Variants in CMYA5 observed in about 807,000 individuals in gnomAD.
CMYA5 encodes cardiomyopathy-associated protein 5.
CMYA5 carries 246 observed loss-of-function variants against 318.9 expected under a neutral mutation model. The ratio of observed to expected loss-of-function variants is 0.77; its 90% CI spans 0.70 to 0.86. The LOEUF is 0.86. Ranked by LOEUF, CMYA5 falls within the 40% of genes least tolerant of loss-of-function variation. The pLI is 0.00. For missense variants in CMYA5, 4,589 were observed against 4,678.2 expected, an observed-to-expected ratio of 0.98 and a Z score of 0.56; for synonymous variants, 1,641 against 1,729.5, an observed-to-expected ratio of 0.95 and a Z score of 1.27.
intron 1 of CMYA5, among the ~76,000 whole-genome samples, chr5:79,702,655 G>A (rs79036065): frequency 0.021 from 3,213 of 152,136 alleles, 109 homozygotes; most frequent in African/African-American, 0.072. Flanking sequence ...TCTTTTTGGG[G>A]TGATGAAAAT....
chr5:79,756,966 C>T (rs756694785), intron 6 of CMYA5, among the ~76,000 whole-genome samples: 13 of 151,892 alleles, frequency 8.6e-5, no homozygotes, highest in African/African-American at 2.2e-4. Context: ...CCGAGGCGAG[C>T]GGATCACCTG....
At chr5:79,771,350 C>G (rs1021431859) in intron 9 of CMYA5, among the ~76,000 whole-genome samples, 1 of 152,158 alleles carries the variant, frequency 6.6e-6, no homozygotes, top group African/African-American at 2.4e-5. Flanking sequence ...AACCCTGTAT[C>G]AGAAGTGCCA....
At chr5:79,785,526 T>A (rs573550241) in intron 9 of CMYA5, among the ~76,000 whole-genome samples, 37 of 152,282 alleles carry the variant, frequency 2.4e-4, no homozygotes, top group Admixed American at 5.9e-4. Context: ...TATATATTTT[T>A]ATGTCTGTCA....
rs747830513 is a variant in CMYA5, at chr5:79,745,325, TGAA to T, written c.10850_10852del (p.Lys3617del). On this transcript the variant is annotated inframe_deletion, in exon 4 of 13. Transcript: ENST00000446378. ...GAGAAAGCCCAGAGCTTTGAGGAAG[TGAA>T]GAAGAAGAAGATGGAGTTCCTGCAT... 6.4e-5 allele frequency: 103 copies of T among 1,613,466 alleles called. No individual in the cohort carries two copies. Among genetic ancestry groups the T allele is most frequent in the Non-Finnish European group, 5.8e-5 (69 of 1,179,674 alleles).
At chr5:79,764,800 A>G (rs1377920624) in intron 9 of CMYA5, among the ~76,000 whole-genome samples, 14 of 152,148 alleles carry the variant, frequency 9.2e-5, no homozygotes, top group Non-Finnish European at 5.9e-5. Flanking sequence ...TCTTTTGAGA[A>G]GTATCTGTTC....
In CMYA5 at chr5:79,734,149, G is replaced by C; in HGVS notation, c.5384G>C (p.Gly1795Ala). The change falls in exon 2 of 13, where the codon GGC becomes GCC. Residue 1795 changes from glycine (G) to alanine (A), a missense_variant. Gly to Ala is a moderately conservative substitution (Grantham distance 60, BLOSUM62 0). Coordinates refer to ENST00000446378, the MANE Select transcript of CMYA5 (RefSeq NM_153610.5). ...DILDKLSEET[G>A]HPNSSQVLQS... is the part of the protein sequence containing the mutation. ...TTAGATAAGCTAAGTGAAGAAACAG[G>C]CCACCCAAATTCATCCCAGGTACTC... The C allele has an allele frequency of 6.2e-7, 1 of 1,613,728 alleles. No individual in the cohort carries two copies. Among genetic ancestry groups the C allele is most frequent in the Non-Finnish European group, 8.5e-7 (1 of 1,179,800 alleles).
Position 79,736,367 on chromosome 5 carries a change from A to G in CMYA5, c.7602A>G (p.Glu2534=). 6.2e-7 allele frequency: 1 copy of G among 1,613,304 alleles called. No homozygotes were observed. Among genetic ancestry groups the G allele is most frequent in the Non-Finnish European group, 8.5e-7 (1 of 1,179,600 alleles). The change falls in exon 2 of 13, where the codon GAA becomes GAG. Residue 2534 remains glutamate, a synonymous_variant. Transcript: ENST00000446378. ...GACCCAAAATCATTGTTGGTTCTGA[A>G]AAGGAGAAAGGTGAAGAAAAAGAAA... is the stretch of plus-strand genomic sequence containing the variant. ...NERPKIIVGS[E]KEKGEEKENQ...
chr5:79,738,134 C>T lies in CMYA5; in HGVS notation c.9369C>T (p.Asn3123=), dbSNP rs1309409068. 3 of 1,613,674 alleles carry T rather than the reference C, an allele frequency of 1.9e-6. No individual in the cohort carries two copies. Among genetic ancestry groups the T allele is most frequent in the Non-Finnish European group, 2.5e-6 (3 of 1,179,818 alleles). ...TTTATGGACCAGAAAAGGGCCACAA[C>T]ATATTATCTCATCCAGAGACCCAAA... ...ESFYGPEKGH[N]ILSHPETQSQ... is the part of the protein sequence containing the mutation. Residue 3123 remains asparagine, a synonymous_variant, in exon 2 of 13, where the codon AAC becomes AAT. Coordinates refer to ENST00000446378, the MANE Select transcript of CMYA5 (RefSeq NM_153610.5).
At chr5:79,773,179 T>C (rs1456407229) in intron 9 of CMYA5, among the ~76,000 whole-genome samples, 1 of 152,212 alleles carries the variant, frequency 6.6e-6, no homozygotes, top group Admixed American at 6.5e-5. Context: ...TCAGTGCCTA[T>C]GACAGTGCCT....
intron 1 of CMYA5, among the ~76,000 whole-genome samples, chr5:79,705,665 A>G (rs144787140): frequency 2.0e-5 from 3 of 152,332 alleles, no homozygotes; most frequent in Non-Finnish European, 2.9e-5. Context: ...CAACTTAAGC[A>G]TATATCATCC....
rs1182744700 is a variant in CMYA5 at position 79,731,929 on chromosome 5, C to T, written c.3164C>T (p.Ser1055Phe). The change falls in exon 2 of 13, where the codon TCT becomes TTT. Residue 1055 changes from serine (S) to phenylalanine (F), a missense_variant. By Grantham distance (155) the Ser-to-Phe change is radical (BLOSUM62 -2). This residue lies in a region of CMYA5 where 2,132 missense variants were observed against 2,131.3 expected (regional missense o/e 1.00). Transcript: ENST00000446378. ...DIGSTAATPVSEQFSSSQKQK... is the reference protein window; with the variant it reads ...DIGSTAATPVFEQFSSSQKQK... ...GGATCCACAGCTGCTACACCTGTAT[C>T]TGAGCAGTTCAGTTCATCACAGAAG... The T allele has an allele frequency of 2.5e-6, 4 of 1,613,006 alleles. No homozygotes were observed.
Position 79,735,691 on chromosome 5 carries a change from C to G in CMYA5, c.6926C>G (p.Ser2309Cys), listed in dbSNP as rs199601534. The G allele has an allele frequency of 8.5e-5, 137 of 1,605,790 alleles. No individual in the cohort carries two copies. The African/African-American group carries it at 1.7e-3, about 19-fold the overall frequency. ...EEMNINSVVT[S>C]ADGENLEIQS... ...ATGAACATAAACTCAGTAGTTACTT[C>G]TGCTGATGGTGAGAACCTTGAAATT... Residue 2309 changes from serine to cysteine, a missense_variant, in exon 2 of 13, where the codon TCT (serine) becomes TGT (cysteine). This residue lies in a region of CMYA5 where 2,431 missense variants were observed against 2,495.1 expected (regional missense o/e 0.97). Transcript: ENST00000446378.
At position 79,733,026 on chromosome 5, in the gene CMYA5, A is replaced by C. The variant is rs1827955235; in HGVS notation, c.4261A>C (p.Ile1421Leu). ...SVLAEEDKVAIKGASPIETSS... is the reference protein window; with the variant it reads ...SVLAEEDKVALKGASPIETSS... ...TCTTGCAGAAGAAGACAAGGTGGCA[A>C]TTAAAGGTGCTTCTCCCATTGAAAC... Residue 1421 changes from isoleucine (I) to leucine (L), a missense_variant, in exon 2 of 13, where the codon ATT (isoleucine) becomes CTT (leucine). This residue lies in a region of CMYA5 where 2,132 missense variants were observed against 2,131.3 expected (regional missense o/e 1.00). Transcript: ENST00000446378. 6.2e-7 allele frequency: 1 copy of C among 1,613,430 alleles called. No homozygotes were observed. The highest frequency in any genetic ancestry group is 8.5e-7 in the Non-Finnish European group (1 of 1,179,668).
At chr5:79,778,404 T>C (rs1828983665) in intron 9 of CMYA5, among the ~76,000 whole-genome samples, 1 of 152,230 alleles carries the variant, frequency 6.6e-6, no homozygotes, top group Non-Finnish European at 1.5e-5. Context: ...TGCTTAGTTC[T>C]TTATACCCTT....
chr5:79,713,325 G>A (rs1016220101), intron 1 of CMYA5, among the ~76,000 whole-genome samples: 1 of 115,682 alleles, frequency 8.6e-6, no homozygotes, highest in Non-Finnish European at 1.6e-5. Flanking sequence ...CCGTCACAAA[G>A]AATTATCTTA....
chr5:79,704,561 G>A (rs1827234997), intron 1 of CMYA5, among the ~76,000 whole-genome samples: 1 of 152,114 alleles, frequency 6.6e-6, no homozygotes, highest in African/African-American at 2.4e-5. Context: ...AGAGGGAAAA[G>A]CAATAAAATA....
At chr5:79,794,832 A>C (rs1441409747) in intron 12 of CMYA5, among the ~76,000 whole-genome samples, 3 of 152,156 alleles carry the variant, frequency 2.0e-5, no homozygotes, top group African/African-American at 7.2e-5. Context: ...GAGATGGTTC[A>C]TAAGGACACC....
intron 1 of CMYA5, among the ~76,000 whole-genome samples, chr5:79,718,870 A>G (rs896986657): frequency 3.3e-5 from 5 of 152,216 alleles, no homozygotes; most frequent in African/African-American, 1.2e-4. Flanking sequence ...GTACAGTAAC[A>G]TGCTGTATAG....
intron 1 of CMYA5, among the ~76,000 whole-genome samples, chr5:79,715,548 A>G (rs1485324460): frequency 1.3e-5 from 2 of 151,972 alleles, no homozygotes; most frequent in Admixed American, 1.3e-4. Flanking sequence ...CGGCCTCCCA[A>G]AGTGCTGGGA....
Sources: allele counts gnomAD v4.1 joint callset (sites outside exome capture counted in the v4.1 genomes callset), GRCh38; gene constraint gnomAD v4.1.1; regional missense constraint gnomAD v4.1.1; transcripts MANE v1.5; gene names NCBI Gene and HGNC (gene_info 2026-07-23, HGNC 2026-07-21).